Variants in GNA14 observed in about 807,000 individuals in gnomAD.
GNA14 encodes the protein G protein subunit alpha 14.
In GNA14, 50 loss-of-function variants were observed where a neutral mutation model predicts 42.0. That is an observed-to-expected ratio of 1.19 (90% CI 0.95 to 1.51). The LOEUF (loss-of-function observed/expected upper bound fraction) is 1.51. Ranked by LOEUF, GNA14 falls within the 40% of genes most tolerant of loss-of-function variation. GNA14 has a pLI of 0.00. For synonymous variants in GNA14, 173 were observed against 163.1 expected, an observed-to-expected ratio of 1.06 and a Z score of -0.46; for missense variants, 473 against 446.2, an observed-to-expected ratio of 1.06 and a Z score of -0.54.
At chr9:77,463,983 C>T (rs1836164832) in intron 2 of GNA14, among the ~76,000 whole-genome samples, 3 of 152,134 alleles carry the variant, frequency 2.0e-5, no homozygotes, top group Admixed American at 2.0e-4. Flanking sequence ...ATTACCTTAG[C>T]TGGAACTGGT....
intron 1 of GNA14, among the ~76,000 whole-genome samples, chr9:77,611,482 T>C (rs1823730241): frequency 6.6e-6 from 1 of 152,286 alleles, no homozygotes; most frequent in East Asian, 1.9e-4. Flanking sequence ...TCCAAGACTG[T>C]TTGCTATCCC....
intron 2 of GNA14, among the ~76,000 whole-genome samples, chr9:77,493,023 AAAAATATAT>A (rs1836807560): frequency 8.2e-6 from 1 of 121,560 alleles, no homozygotes; most frequent in Non-Finnish European, 1.7e-5. Flanking sequence ...AAAAAAAAAA[AAAAATATAT>A]ATATATATAT....
intron 2 of GNA14, among the ~76,000 whole-genome samples, chr9:77,435,205 A>C (rs146726661): frequency 9.2e-5 from 14 of 152,156 alleles, no homozygotes; most frequent in African/African-American, 3.4e-4. Context: ...AAAAACACAA[A>C]AATTAGCTGG....
At chr9:77,475,522 C>A (rs907256808) in intron 2 of GNA14, among the ~76,000 whole-genome samples, 1 of 151,952 alleles carries the variant, frequency 6.6e-6, no homozygotes, top group African/African-American at 2.4e-5. Context: ...TTCGGTAAAA[C>A]AGTAGAGAGA....
intron 1 of GNA14, among the ~76,000 whole-genome samples, chr9:77,593,311 T>C (rs1470026330): frequency 6.6e-6 from 1 of 150,666 alleles, no homozygotes; most frequent in Non-Finnish European, 1.5e-5. Flanking sequence ...GTCTGCATGA[T>C]CAAAATACCC....
At chr9:77,620,706 A>T (rs1479181126) in intron 1 of GNA14, among the ~76,000 whole-genome samples, 1 of 151,760 alleles carries the variant, frequency 6.6e-6, no homozygotes, top group Non-Finnish European at 1.5e-5. Flanking sequence ...AATTAACCAG[A>T]CATGGTGGTG....
intron 4 of GNA14, 74 bp from the exon 5 acceptor site, chr9:77,429,110 G>T: frequency 6.9e-7 from 1 of 1,451,308 alleles, no homozygotes. Context: ...ATGAATTATA[G>T]CATGGAAACC....
At chr9:77,547,682 C>T (rs1025735935) in intron 1 of GNA14, among the ~76,000 whole-genome samples, 16 of 152,018 alleles carry the variant, frequency 1.1e-4, no homozygotes, top group Admixed American at 5.2e-4. Context: ...TGCTGGAATC[C>T]CAGATTTCTA....
chr9:77,609,596 T>G (rs181878885), intron 1 of GNA14, among the ~76,000 whole-genome samples: 20 of 152,292 alleles, frequency 1.3e-4, no homozygotes, highest in Middle Eastern at 6.8e-3. Context: ...CTAGGTGGCT[T>G]AGACAATAGA....
intron 1 of GNA14, among the ~76,000 whole-genome samples, chr9:77,573,883 G>A (rs1027545722): frequency 6.6e-6 from 1 of 152,124 alleles, no homozygotes; most frequent in Non-Finnish European, 1.5e-5. Flanking sequence ...AGGAGAGAAG[G>A]TGGCATATAA....
At chr9:77,432,617 G>A (rs550973071) in intron 3 of GNA14, among the ~76,000 whole-genome samples, 1 of 152,286 alleles carries the variant, frequency 6.6e-6, no homozygotes, top group South Asian at 2.1e-4. Context: ...ACGTGCAAGT[G>A]CCTTGAGTCC....
chr9:77,440,772 G>A (rs1835719029), intron 2 of GNA14, among the ~76,000 whole-genome samples: 1 of 152,058 alleles, frequency 6.6e-6, no homozygotes, highest in Non-Finnish European at 1.5e-5. Flanking sequence ...CTGGAGTGCA[G>A]TGGCGCAATC....
intron 1 of GNA14, among the ~76,000 whole-genome samples, chr9:77,571,349 A>G (rs1160817040): frequency 6.6e-6 from 1 of 152,196 alleles, no homozygotes; most frequent in Non-Finnish European, 1.5e-5. Context: ...AATCTTGAAG[A>G]TATTTTGGGA....
At chr9:77,587,327 A>T (rs73462031) in intron 1 of GNA14, among the ~76,000 whole-genome samples, 11,731 of 152,200 alleles carry the variant, frequency 0.077, 1,527 homozygotes, top group African/African-American at 0.27. Flanking sequence ...TGAAAGCAGG[A>T]ACTCATATTA....
intron 2 of GNA14, among the ~76,000 whole-genome samples, chr9:77,513,056 C>A (rs1015278851): frequency 2.0e-5 from 3 of 152,198 alleles, no homozygotes; most frequent in African/African-American, 7.2e-5. Context: ...GATGGCATGA[C>A]CCCTTGTGTA....
Position 77,450,877 on chromosome 9 carries a change from G to C in GNA14, c.310-16355C>G, listed in dbSNP as rs149252976. Among the ~76,000 whole-genome samples the C allele has an allele frequency of 5.7e-3, 865 of 152,008 alleles. 12 individuals are homozygous for C. Among genetic ancestry groups the C allele is most frequent in the African/African-American group, 0.02 (835 of 41,438 alleles). On this transcript the variant is annotated intron_variant, in intron 2 of 6. Coordinates refer to ENST00000341700, the MANE Select transcript of GNA14 (RefSeq NM_004297.4). ...GTGAATAAGGCTCACAAGATCTGAC[G>C]GTTTTATAAAGGGCATTTCCCCTGC... is the stretch of plus-strand genomic sequence containing the variant.
At chr9:77,504,808 C>T (rs936943874) in intron 2 of GNA14, among the ~76,000 whole-genome samples, 14 of 151,798 alleles carry the variant, frequency 9.2e-5, no homozygotes. Flanking sequence ...GCTGGGACTA[C>T]AGGTGTGCAC....
chr9:77,647,674 C>G lies in GNA14; in HGVS notation c.120G>C (p.Leu40=), dbSNP rs757733279. 7.1e-5 allele frequency: 114 copies of G among 1,609,558 alleles called. No individual in the cohort carries two copies. Among genetic ancestry groups the G allele is most frequent in the Non-Finnish European group, 9.5e-5 (112 of 1,178,412 alleles). ...KDARRELKLL[L]LGTGESGKST... Reference sequence around the variant, plus strand: ...GTCGGAGACGCAGCCACTCACCCAGCAGCAGCAGCTTAAGCTCACGGCGCG... The same window carrying G: ...GTCGGAGACGCAGCCACTCACCCAGGAGCAGCAGCTTAAGCTCACGGCGCG... The change falls in exon 1 of 7, where the codon CTG becomes CTC. Residue 40 remains leucine, a synonymous_variant. Transcript: ENST00000341700.
chr9:77,581,002 GCACACACACACA>G (rs3052394), intron 1 of GNA14, among the ~76,000 whole-genome samples: 168 of 144,396 alleles, frequency 1.2e-3, no homozygotes, highest in African/African-American at 4.1e-3. Flanking sequence ...TACAATAAAG[GCACACACACACA>G]CACACACACA....
Sources: gnomAD v4.1 joint callset for allele counts (sites outside exome capture counted in the v4.1 genomes callset) on GRCh38, gnomAD v4.1.1 for gene constraint, MANE v1.5 for transcripts, NCBI Gene and HGNC (gene_info 2026-07-23, HGNC 2026-07-21) for gene names.